Variants in TSPAN2 observed in about 807,000 individuals in gnomAD.
TSPAN2 encodes the protein tetraspanin 2.
A neutral mutation model predicts 33.3 loss-of-function variants in TSPAN2; 24 were observed. That is an observed-to-expected ratio of 0.72 (90% CI 0.52 to 1.01). TSPAN2 has a LOEUF of 1.01. Ranked by LOEUF, TSPAN2 falls within the 50% of genes least tolerant of loss-of-function variation. The pLI, the probability that TSPAN2 is intolerant of heterozygous loss-of-function variation, is 0.00. For synonymous variants in TSPAN2, 114 were observed against 104.5 expected (o/e 1.09, Z -0.56); for missense variants, 278 against 281.3 (o/e 0.99, Z 0.08).
At chr1:115,082,502 A>G (rs1268756118) in intron 1 of TSPAN2, among the ~76,000 whole-genome samples, 1 of 152,260 alleles carries the variant, frequency 6.6e-6, no homozygotes, top group Non-Finnish European at 1.5e-5. Context: ...TTAGGAAAGC[A>G]GCTGGCACAT....
intron 2 of TSPAN2, among the ~76,000 whole-genome samples, chr1:115,063,027 G>T (rs1012342238): frequency 6.6e-6 from 1 of 152,160 alleles, no homozygotes; most frequent in African/African-American, 2.4e-5. Flanking sequence ...TGCTGTTCTA[G>T]CTCTACCACC....
chr1:115,085,047 C>T (rs1047943408), intron 1 of TSPAN2, among the ~76,000 whole-genome samples: 1 of 152,138 alleles, frequency 6.6e-6, no homozygotes, highest in African/African-American at 2.4e-5. Flanking sequence ...TAAACAGCGC[C>T]CAGGTTTTCC....
intron 1 of TSPAN2, among the ~76,000 whole-genome samples, chr1:115,081,810 A>AT (rs1288360207): frequency 6.6e-6 from 1 of 152,208 alleles, no homozygotes; most frequent in Non-Finnish European, 1.5e-5. Context: ...GATAGGAAAC[A>AT]TCGCTCCCAT....
chr1:115,086,395 G>C (rs768548185), intron 1 of TSPAN2, among the ~76,000 whole-genome samples: 1 of 152,208 alleles, frequency 6.6e-6, no homozygotes, highest in Non-Finnish European at 1.5e-5. Flanking sequence ...CCCTTGCTCT[G>C]CTCCTCTGCT....
chr1:115,060,445 T>A lies in TSPAN2; in HGVS notation c.345+19A>T. 1 of 1,580,236 alleles carries A rather than the reference T, an allele frequency of 6.3e-7. No homozygotes were observed. The highest frequency in any genetic ancestry group is 8.7e-7 in the Non-Finnish European group (1 of 1,151,974). ...ACTTTTAACCATCATAGAAAAACAT[T>A]ATAAGTAATTTTACTTACTACCCCC... is the stretch of plus-strand genomic sequence containing the variant. On this transcript the variant is annotated intron_variant, in intron 4 of 7. Transcript: ENST00000369516.
Position 115,050,138 on chromosome 1 carries a change from A to G in TSPAN2, c.*352T>C. 1 of 266,588 alleles carries G rather than the reference A, an allele frequency of 3.8e-6. No individual in the cohort carries two copies. The highest frequency in any genetic ancestry group is 1.3e-3 in the Middle Eastern group (1 of 798). The allele number at this position is 266,588 out of a possible 1,614,324, so 16.5% of individuals were successfully genotyped here. A position where few individuals can be genotyped will look rare whatever the true frequency, so the allele number is the denominator to read the frequency against. On this transcript the variant is annotated 3_prime_UTR_variant, in exon 8 of 8. Transcript: ENST00000369516. ...CATTATCACTTTTTCTAAATAGCCA[A>G]GTTCTCAAAGTTTCTGAAAGCTCTT...
rs1199673035 is a variant in TSPAN2, at chr1:115,089,393, G to T, written c.40C>A (p.Leu14Met). The T allele has an allele frequency of 1.3e-6, 2 of 1,595,880 alleles. No homozygotes were observed. The highest frequency in any genetic ancestry group is 3.4e-5 in the Admixed American group (2 of 58,324). ...AAGAGCAGGTTGAAGCCAAGCAGCA[G>T]GTACTTGATGCACCGCAGGCCCCCG... ...FRGGLRCIKY[L>M]LLGFNLLFWL... is the part of the protein sequence containing the mutation. The change falls in exon 1 of 8, where the codon CTG becomes ATG. Residue 14 changes from leucine (L) to methionine (M), a missense_variant. By Grantham distance (15) the Leu-to-Met change is conservative. Coordinates refer to ENST00000369516, the MANE Select transcript of TSPAN2 (RefSeq NM_005725.6).
intron 1 of TSPAN2, among the ~76,000 whole-genome samples, chr1:115,088,215 CTGGGCTAA>C (rs1343482253): frequency 6.6e-6 from 1 of 152,192 alleles, no homozygotes; most frequent in East Asian, 1.9e-4. Context: ...ACCCAGGCAT[CTGGGCTAA>C]TGGATTGACA....
chr1:115,060,359 A>T, intron 4 of TSPAN2, 105 bp downstream of exon 4: 1 of 929,668 alleles, frequency 1.1e-6, no homozygotes, highest in Admixed American at 2.4e-5. Flanking sequence ...AGTTCTGTTT[A>T]AACTATAATA....
intron 7 of TSPAN2, 119 bp from the exon 8 acceptor site, chr1:115,050,674 G>A: frequency 1.3e-6 from 1 of 770,736 alleles, no homozygotes; most frequent in Non-Finnish European, 2.2e-6. Flanking sequence ...ATAATTACCA[G>A]TCACAAATGA....
rs768146161 is a variant in TSPAN2 at position 115,064,288 on chromosome 1, G to A, written c.173-2056C>T. ...CACAGAAGCGAGCTGAATGCAGGGC[G>A]GCAGCAACAACACCATATTCAGTTC... On this transcript the variant is annotated intron_variant, in intron 2 of 7. Transcript: ENST00000369516. 1.3e-4 allele frequency among the ~76,000 whole-genome samples: 20 copies of A among 152,314 alleles called. 1 individual carries two copies. Among genetic ancestry groups the A allele is most frequent in the Admixed American group, 3.3e-4 (5 of 15,306 alleles).
In TSPAN2 at chr1:115,050,365, T is replaced by G. The variant is rs1570961953; in HGVS notation, c.*125A>C. 3 of 872,178 alleles carry G rather than the reference T, an allele frequency of 3.4e-6. No homozygotes were observed. The East Asian group carries it at 7.7e-5, about 22-fold the overall frequency. The allele number at this position is 872,178 out of a possible 1,614,324, so 54.0% of individuals were successfully genotyped here. A position where few individuals can be genotyped will look rare whatever the true frequency, so the allele number is the denominator to read the frequency against. On this transcript the variant is annotated 3_prime_UTR_variant, in exon 8 of 8. Transcript: ENST00000369516. Reference sequence around the variant, plus strand: ...AGCCAAACATACGTACTCATGCAAATGTACAATTGACAGCAAATTATTTTA... The same window carrying G: ...AGCCAAACATACGTACTCATGCAAAGGTACAATTGACAGCAAATTATTTTA...
chr1:115,079,929 C>G (rs1648562608), intron 1 of TSPAN2, among the ~76,000 whole-genome samples: 1 of 152,210 alleles, frequency 6.6e-6, no homozygotes, highest in Non-Finnish European at 1.5e-5. Context: ...ATTCAGGCCA[C>G]AATAAAATCA....
At chr1:115,073,029 G>A (rs772225230) in intron 1 of TSPAN2, 22 bp from the exon 2 acceptor site, 18 of 1,595,546 alleles carry the variant, frequency 1.1e-5, no homozygotes, top group Admixed American at 8.3e-5. Context: ...ACGACACTGT[G>A]TTTACAGTGG....
chr1:115,063,108 T>A (rs771871806), intron 2 of TSPAN2, among the ~76,000 whole-genome samples: 1 of 152,216 alleles, frequency 6.6e-6, no homozygotes. Context: ...AGAAATGATA[T>A]CATATTAAAA....
chr1:115,058,806 C>G, intron 5 of TSPAN2, 77 bp downstream of exon 5: 1 of 1,242,374 alleles, frequency 8.0e-7, no homozygotes, highest in Middle Eastern at 1.9e-4. Flanking sequence ...TATTTTTAAT[C>G]CTGGTGATTG....
At position 115,072,230 on chromosome 1, in the gene TSPAN2, C is replaced by A. The variant is rs1648208266; in HGVS notation, c.172+675G>T. ...GGAGGCTGCACCCCACCCCACACTC[C>A]TCACCCCTTCCTACAGAGGTGGGGT... On this transcript the variant is annotated intron_variant, in intron 2 of 7. Coordinates refer to ENST00000369516, the MANE Select transcript of TSPAN2 (RefSeq NM_005725.6). 2.0e-5 allele frequency among the ~76,000 whole-genome samples: 3 copies of A among 152,206 alleles called. No individual in the cohort carries two copies. The South Asian group carries it at 6.2e-4, about 32-fold the overall frequency.
chr1:115,072,987 A>G lies in TSPAN2; in HGVS notation c.90T>C (p.Ile30=), dbSNP rs757863959. 6.2e-7 allele frequency: 1 copy of G among 1,614,180 alleles called. No individual in the cohort carries two copies. The highest frequency in any genetic ancestry group is 2.2e-5 in the East Asian group (1 of 44,882). ...LLFWLAGSAV[I]AFGLWFRFGG... ...CGAACCGAAACCATAGTCCAAAAGC[A>G]ATGACGGCCGATCCAGCCAGCTGGA... Residue 30 remains isoleucine, a synonymous_variant, in exon 2 of 8, where the codon ATT becomes ATC. Transcript: ENST00000369516.
intron 4 of TSPAN2, 152 bp downstream of exon 4, chr1:115,060,312 T>C (rs947058513): frequency 4.8e-6 from 3 of 622,212 alleles, no homozygotes; most frequent in Non-Finnish European, 8.6e-6. Context: ...CTCATATACA[T>C]ATATGCTCAG....
Sources: allele counts gnomAD v4.1 joint callset (sites outside exome capture counted in the v4.1 genomes callset), GRCh38; gene constraint gnomAD v4.1.1; transcripts MANE v1.5; gene names NCBI Gene and HGNC (gene_info 2026-07-23, HGNC 2026-07-21).